The following BRD10 variants were observed in gnomAD, a reference collection of about 807,000 sequenced individuals.
BRD10 encodes uncharacterized bromodomain-containing protein 10.
the BRD10 span, among the ~76,000 whole-genome samples, chr9:5,965,119 T>C: frequency 6.6e-5 from 10 of 150,678 alleles, no homozygotes; most frequent in Non-Finnish European, 8.9e-5. Flanking sequence ...TTACTAAATT[T>C]GGAGATACTA....
At chr9:5,927,124 TCTC>T in the BRD10 span, among the ~76,000 whole-genome samples, 1 of 152,104 alleles carries the variant, frequency 6.6e-6, no homozygotes, top group African/African-American at 2.4e-5. Context: ...AGTATAAAGT[TCTC>T]CTCCCTTCTC....
the BRD10 span, among the ~76,000 whole-genome samples, chr9:5,884,956 C>T: frequency 6.6e-6 from 1 of 152,306 alleles, no homozygotes; most frequent in South Asian, 2.1e-4. Context: ...GATGAAGCCT[C>T]CTTTGCTGCT....
the BRD10 span, among the ~76,000 whole-genome samples, chr9:5,905,377 C>A: frequency 6.6e-6 from 1 of 152,154 alleles, no homozygotes; most frequent in African/African-American, 2.4e-5. Flanking sequence ...GTTTTAGGTA[C>A]AACTGACCAG....
chr9:5,943,629 T>A, the BRD10 span, among the ~76,000 whole-genome samples: 1 of 151,550 alleles, frequency 6.6e-6, no homozygotes, highest in South Asian at 2.1e-4. Flanking sequence ...CAGCAGTAAA[T>A]TTTAATGAAA....
chr9:5,999,101 G>C, the BRD10 span, among the ~76,000 whole-genome samples: 1 of 151,720 alleles, frequency 6.6e-6, no homozygotes, highest in Admixed American at 6.6e-5. Context: ...AATTATATTT[G>C]CCATAATTCT....
At chr9:5,885,837 G>C in the BRD10 span, among the ~76,000 whole-genome samples, 1 of 152,182 alleles carries the variant, frequency 6.6e-6, no homozygotes, top group Non-Finnish European at 1.5e-5. Flanking sequence ...TACGGGGTGA[G>C]GACTCAGTAG....
the BRD10 span, among the ~76,000 whole-genome samples, chr9:5,994,464 T>C: frequency 3.3e-5 from 5 of 152,164 alleles, no homozygotes; most frequent in Middle Eastern, 3.2e-3. Context: ...TAAAGACCAT[T>C]AAACTTACTT....
the BRD10 span, among the ~76,000 whole-genome samples, chr9:5,971,758 G>A: frequency 1.3e-5 from 2 of 152,060 alleles, no homozygotes; most frequent in Non-Finnish European, 2.9e-5. Context: ...GGATGGTAGT[G>A]GGCAGGTAGA....
At chr9:5,895,402 T>C in the BRD10 span, among the ~76,000 whole-genome samples, 1 of 152,174 alleles carries the variant, frequency 6.6e-6, no homozygotes, top group South Asian at 2.1e-4. Context: ...TTTTTAATTT[T>C]TTTGCATAAA....
chr9:5,997,779 T>G, the BRD10 span, among the ~76,000 whole-genome samples: 1 of 152,220 alleles, frequency 6.6e-6, no homozygotes, highest in Non-Finnish European at 1.5e-5. Flanking sequence ...CTTCATTCAA[T>G]ATTAACTAAG....
chr9:5,944,913 G>C, the BRD10 span: 2 of 1,543,348 alleles, frequency 1.3e-6, no homozygotes, highest in Non-Finnish European at 1.8e-6. Context: ...GTTCATTCTC[G>C]ATTTTTGTGA....
the BRD10 span, among the ~76,000 whole-genome samples, chr9:5,946,302 G>A: frequency 6.6e-6 from 1 of 151,986 alleles, no homozygotes; most frequent in Non-Finnish European, 1.5e-5. Flanking sequence ...GGGAAAATAT[G>A]TATTTAAATA....
At chr9:5,959,702 A>G in the BRD10 span, among the ~76,000 whole-genome samples, 2 of 152,220 alleles carry the variant, frequency 1.3e-5, no homozygotes, top group Non-Finnish European at 2.9e-5. Flanking sequence ...ACCTTTTCAC[A>G]GATACGGGCC....
the BRD10 span, among the ~76,000 whole-genome samples, chr9:5,879,373 C>CAA: frequency 6.9e-6 from 1 of 144,762 alleles, no homozygotes; most frequent in African/African-American, 2.5e-5. Context: ...GACTCTGTCT[C>CAA]AAAAAAAAAA....
the BRD10 span, among the ~76,000 whole-genome samples, chr9:5,898,700 G>A: frequency 6.6e-6 from 1 of 152,120 alleles, no homozygotes; most frequent in African/African-American, 2.4e-5. Context: ...GGGAATTCTT[G>A]CTGGTTCTGT....
chr9:5,949,003 T>C, the BRD10 span, among the ~76,000 whole-genome samples: 5 of 152,302 alleles, frequency 3.3e-5, no homozygotes, highest in East Asian at 9.6e-4. Flanking sequence ...ATTAGTCTGA[T>C]AAACAACCAT....
the BRD10 span, among the ~76,000 whole-genome samples, chr9:5,894,717 C>A: frequency 6.6e-6 from 1 of 152,092 alleles, no homozygotes; most frequent in African/African-American, 2.4e-5. This position sits in a 1 kb window ranked among gnomAD's most constrained non-coding sequence, Gnocchi z 4.0. Context: ...CTGACAGGAG[C>A]CAGAAGCACA....
the BRD10 span, among the ~76,000 whole-genome samples, chr9:5,984,200 A>G: frequency 6.6e-6 from 1 of 152,142 alleles, no homozygotes; most frequent in Admixed American, 6.6e-5. Flanking sequence ...AAAGGTGTGG[A>G]TTAAATATAA....
the BRD10 span, among the ~76,000 whole-genome samples, chr9:5,995,271 A>G: frequency 5.3e-5 from 8 of 152,192 alleles, no homozygotes; most frequent in Admixed American, 3.3e-4. Flanking sequence ...CTTATTTCAG[A>G]GAAAACGGCA....
Sources: allele counts gnomAD v4.1 joint callset (sites outside exome capture counted in the v4.1 genomes callset), GRCh38; gene constraint gnomAD v4.1.1; non-coding constraint Gnocchi (gnomAD v3.1); transcripts MANE v1.5; gene names NCBI Gene and HGNC (gene_info 2026-07-23, HGNC 2026-07-21).